The following DLG2 variants were observed in gnomAD, a reference collection of about 807,000 sequenced individuals.
DLG2 encodes discs large MAGUK scaffold protein 2, also known as disks large homolog 2.
Under a neutral mutation model 132.5 loss-of-function variants are expected in DLG2, and 45 were observed. The ratio of observed to expected loss-of-function variants is 0.34; its 90% CI spans 0.27 to 0.44. The LOEUF is 0.44. Ranked by LOEUF, DLG2 falls within the 20% of genes least tolerant of loss-of-function variation. The pLI is 1.00. For missense variants in DLG2, 1,045 were observed against 1,196.9 expected, an observed-to-expected ratio of 0.87 and a Z score of 1.87; for synonymous variants, 424 against 419.6, an observed-to-expected ratio of 1.01 and a Z score of -0.13.
At chr11:83,686,305 A>G (rs980826363) in intron 18 of DLG2, among the ~76,000 whole-genome samples, 2 of 152,182 alleles carry the variant, frequency 1.3e-5, no homozygotes, top group Non-Finnish European at 2.9e-5. Context: ...TGTATAGAAC[A>G]GCATCCTCTA....
chr11:83,640,190 C>A (rs1281968017), intron 18 of DLG2, among the ~76,000 whole-genome samples: 1 of 152,210 alleles, frequency 6.6e-6, no homozygotes, highest in Non-Finnish European at 1.5e-5. Context: ...CATTTCCACA[C>A]TACAGGAGAA....
chr11:84,546,405 G>C (rs1440482624), intron 6 of DLG2: 1 of 223,462 alleles, frequency 4.5e-6, no homozygotes, highest in African/African-American at 2.3e-5. Flanking sequence ...TCATGCTTCT[G>C]GCACAGACTG....
Position 84,373,268 on chromosome 11 carries a change from A to AAAAAAAAAAAAAAAAC in DLG2, c.520-121978_520-121977insGTTTTTTTTTTTTTTT, listed in dbSNP as rs1567449347. ...AACAGTCAAAAAAAAAAAAAAACAA[A>AAAAAAAAAAAAAAAAC]ACAAAAAAAAAACCCACCAGGCCCG... On this transcript the variant is annotated intron_variant, in intron 7 of 27. Transcript: ENST00000376104. 1.2e-3 allele frequency among the ~76,000 whole-genome samples: 163 copies of AAAAAAAAAAAAAAAAC among 135,734 alleles called. 2 individuals carry two copies. The highest frequency in any genetic ancestry group is 2.3e-3 in the Non-Finnish European group (149 of 64,492). 89.0% of individuals were successfully genotyped at this position (135,734 alleles called of 152,430 possible).
At chr11:84,729,518 T>A (rs1419953320) in intron 6 of DLG2, among the ~76,000 whole-genome samples, 2 of 152,102 alleles carry the variant, frequency 1.3e-5, no homozygotes, top group Non-Finnish European at 2.9e-5. Flanking sequence ...AATTTTAGAA[T>A]AAGTGTAATG....
intron 11 of DLG2, among the ~76,000 whole-genome samples, chr11:84,008,117 T>C (rs2094668768): frequency 6.6e-6 from 1 of 151,806 alleles, no homozygotes; most frequent in Non-Finnish European, 1.5e-5. Flanking sequence ...TCACATCATC[T>C]ATTCTCTTAT....
At chr11:85,577,079 T>C (rs2078202310) in intron 3 of DLG2, among the ~76,000 whole-genome samples, 1 of 152,144 alleles carries the variant, frequency 6.6e-6, no homozygotes, top group Non-Finnish European at 1.5e-5. Flanking sequence ...ATTCAGATTA[T>C]GTAAGGCCTT....
At chr11:84,499,883 G>A (rs574509261) in intron 7 of DLG2, among the ~76,000 whole-genome samples, 54 of 152,220 alleles carry the variant, frequency 3.5e-4, no homozygotes, top group African/African-American at 7.2e-4. Flanking sequence ...GGTTACTTCC[G>A]TCTAAATCCA....
intron 3 of DLG2, among the ~76,000 whole-genome samples, chr11:85,367,311 A>C (rs1299767495): frequency 6.6e-6 from 1 of 152,164 alleles, no homozygotes; most frequent in Admixed American, 6.5e-5. Context: ...TTCACTGCTT[A>C]ATAGCCGACT....
At position 85,012,258 on chromosome 11, in the gene DLG2, G is replaced by A. The variant is rs1479302386; in HGVS notation, c.357+99403C>T. Among the ~76,000 whole-genome samples, 6 of 74,538 alleles carry A rather than the reference G, an allele frequency of 8.0e-5. 1 individual carries two copies. Among genetic ancestry groups the A allele is most frequent in the Non-Finnish European group, 1.2e-4 (5 of 42,808 alleles). The allele number at this position is 74,538 out of a possible 152,430, so 48.9% of individuals were successfully genotyped here. The stretch of plus-strand genomic sequence containing the variant: ...AGTAAGAGATATGGCCGGGCGCAGT[G>A]GCTCACGCCTGTAATCCCAGCACTT... On this transcript the variant is annotated intron_variant, in intron 6 of 27. Transcript: ENST00000376104.
intron 4 of DLG2, 25 bp downstream of exon 4, chr11:85,285,195 T>C (rs752901763): frequency 6.2e-7 from 1 of 1,602,590 alleles, no homozygotes; most frequent in South Asian, 1.1e-5. Flanking sequence ...ATTATTCAGT[T>C]CTTTTGGAAG....
chr11:84,282,142 TG>T (rs1006789715), intron 7 of DLG2, among the ~76,000 whole-genome samples: 1 of 152,150 alleles, frequency 6.6e-6, no homozygotes, highest in Non-Finnish European at 1.5e-5. Flanking sequence ...TAAACAATTG[TG>T]GTATTTGCAT....
chr11:84,351,953 G>A (rs1333448604), intron 7 of DLG2, among the ~76,000 whole-genome samples: 4 of 152,180 alleles, frequency 2.6e-5, no homozygotes, highest in Non-Finnish European at 5.9e-5. Context: ...TATTAGGATT[G>A]CTAGATTCAG....
chr11:83,887,138 C>CA, intron 15 of DLG2, among the ~76,000 whole-genome samples: 1 of 152,108 alleles, frequency 6.6e-6, no homozygotes, highest in East Asian at 1.9e-4. Flanking sequence ...AAAAACCCTT[C>CA]AAAAAATTAA....
intron 11 of DLG2, among the ~76,000 whole-genome samples, chr11:84,035,791 G>C (rs1240674557): frequency 6.6e-6 from 1 of 152,156 alleles, no homozygotes; most frequent in Non-Finnish European, 1.5e-5. Context: ...GCAGTAGTCT[G>C]AGCAAGAAAC....
At chr11:83,814,157 A>T (rs1039027211) in intron 17 of DLG2, among the ~76,000 whole-genome samples, 2 of 152,180 alleles carry the variant, frequency 1.3e-5, no homozygotes, top group African/African-American at 4.8e-5. Flanking sequence ...CACCTAGATC[A>T]TACATTCTTT....
intron 7 of DLG2, among the ~76,000 whole-genome samples, chr11:84,447,800 C>T (rs1291665966): frequency 6.6e-6 from 1 of 151,958 alleles, no homozygotes; most frequent in East Asian, 1.9e-4. Flanking sequence ...TGTGATTTAC[C>T]ACCCATGTGT....
At chr11:83,532,662 C>A (rs781398266) in intron 21 of DLG2, 46 bp downstream of exon 21, 4 of 1,554,382 alleles carry the variant, frequency 2.6e-6, no homozygotes, top group Non-Finnish European at 3.5e-6. Context: ...ATAGTTAAAT[C>A]CATGGCAACT....
chr11:85,203,852 T>C (rs532355031), intron 4 of DLG2, among the ~76,000 whole-genome samples: 36 of 152,182 alleles, frequency 2.4e-4, no homozygotes, highest in Admixed American at 1.4e-3. Flanking sequence ...CAAGTGGGAT[T>C]TAGTCCAGGG....
At chr11:85,492,137 A>C (rs2093574573) in intron 3 of DLG2, among the ~76,000 whole-genome samples, 1 of 152,178 alleles carries the variant, frequency 6.6e-6, no homozygotes, top group Non-Finnish European at 1.5e-5. Flanking sequence ...AAAAAAGATA[A>C]CTATATGAAG....
Sources: gnomAD v4.1 joint callset for allele counts (sites outside exome capture counted in the v4.1 genomes callset) on GRCh38, gnomAD v4.1.1 for gene constraint, MANE v1.5 for transcripts, NCBI Gene and HGNC (gene_info 2026-07-23, HGNC 2026-07-21) for gene names.